Variants in KCNAB1 observed in about 807,000 individuals in gnomAD.
The protein encoded by KCNAB1 is potassium voltage-gated channel subfamily A regulatory beta subunit 1, also known as voltage-gated potassium channel subunit beta-1.
In KCNAB1, 35 loss-of-function variants were observed where a neutral mutation model predicts 64.6. The ratio of observed to expected loss-of-function variants is 0.54; its 90% CI spans 0.41 to 0.72. KCNAB1 has a LOEUF of 0.72. Among genes scored for constraint, KCNAB1 ranks in the 30% least tolerant of loss-of-function variants. The pLI, the probability that KCNAB1 is intolerant of heterozygous loss-of-function variation, is 0.00. For synonymous variants in KCNAB1, 177 were observed against 183.8 expected (o/e 0.96, Z 0.30); for missense variants, 401 against 512.9 (o/e 0.78, Z 2.11).
intron 8 of KCNAB1, among the ~76,000 whole-genome samples, chr3:156,498,219 T>G (rs1716135994): frequency 6.6e-6 from 1 of 152,168 alleles, no homozygotes; most frequent in Non-Finnish European, 1.5e-5. Context: ...AAGACAATGT[T>G]GAAGATGATG....
intron 1 of KCNAB1, among the ~76,000 whole-genome samples, chr3:156,252,400 CT>C (rs1041981432): frequency 6.6e-6 from 1 of 152,204 alleles, no homozygotes; most frequent in African/African-American, 2.4e-5. Flanking sequence ...CACTTTTATT[CT>C]TTTATTGTTT....
intron 1 of KCNAB1, among the ~76,000 whole-genome samples, chr3:156,231,945 G>A (rs916313349): frequency 3.3e-5 from 5 of 152,088 alleles, no homozygotes; most frequent in African/African-American, 9.7e-5. Flanking sequence ...TCAGGCTGAG[G>A]GCTGTGTCAT....
intron 1 of KCNAB1, among the ~76,000 whole-genome samples, chr3:156,284,879 T>C (rs1225274467): frequency 1.3e-5 from 2 of 152,156 alleles, no homozygotes; most frequent in Non-Finnish European, 2.9e-5. Flanking sequence ...CACTCCCTAG[T>C]GAGATGAACC....
chr3:156,207,083 C>A (rs1168126206), intron 1 of KCNAB1, among the ~76,000 whole-genome samples: 4 of 152,156 alleles, frequency 2.6e-5, no homozygotes, highest in Non-Finnish European at 4.4e-5. Flanking sequence ...CAATTATCTT[C>A]TTTCTCCAGA....
chr3:156,158,000 A>G (rs1715824646), intron 1 of KCNAB1, among the ~76,000 whole-genome samples: 1 of 151,698 alleles, frequency 6.6e-6, no homozygotes, highest in African/African-American at 2.4e-5. Flanking sequence ...CGTCTCTACT[A>G]AAAATACAAA....
At chr3:156,142,868 T>A in intron 1 of KCNAB1, 1 of 500,324 alleles carries the variant, frequency 2.0e-6, no homozygotes, top group Non-Finnish European at 2.6e-6. Context: ...GTTCCCATAT[T>A]TTTTTTCCCC....
chr3:156,119,651 T>C (rs1713230765), upstream of KCNAB1, among the ~76,000 whole-genome samples: 1 of 152,150 alleles, frequency 6.6e-6, no homozygotes, highest in Non-Finnish European at 1.5e-5. Flanking sequence ...TGCCTGGTGC[T>C]TAACGGGTCA....
At chr3:156,248,065 A>G (rs1217506249) in intron 1 of KCNAB1, among the ~76,000 whole-genome samples, 1 of 152,154 alleles carries the variant, frequency 6.6e-6, no homozygotes, top group Non-Finnish European at 1.5e-5. Context: ...CCCAGTTCAT[A>G]TTCTCTTGAT....
At chr3:156,410,605 T>C (rs1714579146) in intron 1 of KCNAB1, among the ~76,000 whole-genome samples, 1 of 152,178 alleles carries the variant, frequency 6.6e-6, no homozygotes, top group Admixed American at 6.5e-5. Flanking sequence ...AGCCCTCAAA[T>C]TCCCTCATAC....
intron 1 of KCNAB1, among the ~76,000 whole-genome samples, chr3:156,226,296 A>G (rs1440067744): frequency 3.3e-5 from 5 of 152,166 alleles, no homozygotes; most frequent in Non-Finnish European, 7.4e-5. Flanking sequence ...AAGCAAATAA[A>G]AACATAAAGT....
chr3:156,122,176 C>T (rs1368442952), intron 1 of KCNAB1, among the ~76,000 whole-genome samples: 1 of 90,112 alleles, frequency 1.1e-5, no homozygotes, highest in Admixed American at 1.5e-4. Flanking sequence ...GGGAGGAAGA[C>T]CAAAGGAAAA....
At chr3:156,148,083 G>C (rs945021719) in intron 1 of KCNAB1, among the ~76,000 whole-genome samples, 1 of 152,028 alleles carries the variant, frequency 6.6e-6, no homozygotes, top group Non-Finnish European at 1.5e-5. Context: ...GACTTGCTTA[G>C]TCCTGCTGCT....
chr3:156,461,063 A>G (rs1382297649), intron 5 of KCNAB1, among the ~76,000 whole-genome samples: 1 of 152,198 alleles, frequency 6.6e-6, no homozygotes, highest in Non-Finnish European at 1.5e-5. Flanking sequence ...CACCTTATAT[A>G]TGGAAAAACA....
intron 1 of KCNAB1, among the ~76,000 whole-genome samples, chr3:156,204,209 C>G (rs1320955405): frequency 6.6e-6 from 1 of 152,200 alleles, no homozygotes; most frequent in Non-Finnish European, 1.5e-5. Context: ...CACTTTCCAA[C>G]CACTATATTT....
At chr3:156,473,916 T>A (rs1714140158) in intron 7 of KCNAB1, among the ~76,000 whole-genome samples, 1 of 152,212 alleles carries the variant, frequency 6.6e-6, no homozygotes, top group African/African-American at 2.4e-5. Flanking sequence ...TAATATTATA[T>A]ACAATACATT....
At chr3:156,186,052 A>T (rs1701641277) in intron 1 of KCNAB1, among the ~76,000 whole-genome samples, 1 of 152,214 alleles carries the variant, frequency 6.6e-6, no homozygotes, top group African/African-American at 2.4e-5. Flanking sequence ...AGGAGCAGCT[A>T]CTGAGCATAG....
intron 1 of KCNAB1, among the ~76,000 whole-genome samples, chr3:156,223,884 G>C (rs1439287349): frequency 6.6e-6 from 1 of 152,250 alleles, no homozygotes; most frequent in African/African-American, 2.4e-5. Context: ...AGGTGAAGCT[G>C]CCTGCCAGTC....
intron 1 of KCNAB1, among the ~76,000 whole-genome samples, chr3:156,123,976 A>G (rs1040912188): frequency 6.6e-6 from 1 of 152,202 alleles, no homozygotes; most frequent in African/African-American, 2.4e-5. Flanking sequence ...GGTCATGGGT[A>G]AAAGTCAGAA....
At chr3:156,118,258 C>T, upstream of KCNAB1, 1 of 449,074 alleles carries the variant, frequency 2.2e-6, no homozygotes, top group Non-Finnish European at 4.5e-6. Flanking sequence ...GGATACTGCT[C>T]AAGCTGGCTG....
Sources: gnomAD v4.1 joint callset for allele counts (sites outside exome capture counted in the v4.1 genomes callset) on GRCh38, gnomAD v4.1.1 for gene constraint, MANE v1.5 for transcripts, NCBI Gene and HGNC (gene_info 2026-07-23, HGNC 2026-07-21) for gene names.